The following SPOCD1 variants were observed in gnomAD, a reference collection of about 807,000 sequenced individuals.
SPOCD1 encodes the protein SPOC domain containing 1.
SPOCD1 carries 64 observed loss-of-function variants against 92.2 expected under a neutral mutation model. The observed-to-expected ratio is 0.69, with a 90% CI of 0.57 to 0.86. SPOCD1 has a LOEUF of 0.86. SPOCD1 is among the 40% of genes least tolerant of loss of function. The probability of loss-of-function intolerance (pLI) is 0.00; values close to 1 mark genes in which losing one functional copy is unlikely to be tolerated. For synonymous variants in SPOCD1, 578 were observed against 619.3 expected, an observed-to-expected ratio of 0.93 and a Z score of 0.99; for missense variants, 1,360 against 1,543.1, an observed-to-expected ratio of 0.88 and a Z score of 1.99.
intron 12 of SPOCD1, 31 bp downstream of exon 12, chr1:31,793,716 G>C (rs111393971): frequency 6.2e-7 from 1 of 1,613,354 alleles, no homozygotes; most frequent in Non-Finnish European, 8.5e-7. Flanking sequence ...ACCCTGCTGG[G>C]TTATCCACCT....
intron 2 of SPOCD1, among the ~76,000 whole-genome samples, chr1:31,804,900 T>C (rs1002346190): frequency 2.6e-5 from 4 of 152,090 alleles, no homozygotes; most frequent in South Asian, 2.1e-4. Flanking sequence ...CTATATCATT[T>C]TGGAGTAAGA....
chr1:31,809,441 T>A (rs1049625978), intron 2 of SPOCD1, among the ~76,000 whole-genome samples: 3 of 151,896 alleles, frequency 2.0e-5, no homozygotes, highest in African/African-American at 7.3e-5. Flanking sequence ...AACCTGGCAA[T>A]TCCACCCCAG....
intron 6 of SPOCD1, 130 bp from the exon 7 acceptor site, chr1:31,799,615 T>A: frequency 1.9e-6 from 2 of 1,074,332 alleles, no homozygotes; most frequent in Non-Finnish European, 2.7e-6. Flanking sequence ...CCTCCCTCTA[T>A]CCATCTGGGA....
chr1:31,815,415 G>A (rs761904431), intron 1 of SPOCD1, 43 bp from the exon 2 acceptor site: 159 of 1,395,258 alleles, frequency 1.1e-4, no homozygotes, highest in Non-Finnish European at 1.4e-4. Context: ...TGGAGAGTCC[G>A]ACCTGTCAGC....
intron 9 of SPOCD1, among the ~76,000 whole-genome samples, chr1:31,797,207 A>G (rs1648088976): frequency 6.6e-6 from 1 of 152,230 alleles, no homozygotes; most frequent in Non-Finnish European, 1.5e-5. Context: ...AGTAAATGCT[A>G]GTTGTGAGTC....
intron 2 of SPOCD1, 122 bp downstream of exon 2, chr1:31,813,829 A>C (rs1431250206): frequency 1.2e-6 from 1 of 848,412 alleles, no homozygotes; most frequent in Non-Finnish European, 1.7e-6. Context: ...TTTAGTTAAT[A>C]GGGATGTGAG....
At chr1:31,811,266 T>C (rs1473523996) in intron 2 of SPOCD1, among the ~76,000 whole-genome samples, 3 of 151,804 alleles carry the variant, frequency 2.0e-5, no homozygotes, top group African/African-American at 7.3e-5. Flanking sequence ...AGGTCAGGAG[T>C]TTGAGACCAG....
rs1349502336 is a variant in SPOCD1 at position 31,794,158 on chromosome 1, G to T, written c.2349C>A (p.His783Gln). 2 of 1,613,972 alleles carry T rather than the reference G, an allele frequency of 1.2e-6. 1 individual carries two copies. The highest frequency in any genetic ancestry group is 1.7e-6 in the Non-Finnish European group (2 of 1,180,018). Residue 783 changes from histidine to glutamine, a missense_variant, in exon 11 of 16, where the codon CAC (histidine) becomes CAA (glutamine). His to Gln is a conservative substitution (Grantham distance 24). This residue lies in a region of SPOCD1 where 614 missense variants were observed against 757.8 expected (regional missense o/e 0.81). Transcript: ENST00000360482. ...ASEDTTGQHD[H>Q]HFLDPNCHIC... is the part of the protein sequence containing the mutation. ...TGTGGCAGTTGGGGTCTAAGAAGTG[G>T]TGGTCATGCTGCCCCGTGGTGTCCT...
chr1:31,794,822 C>T (rs1035384312), intron 10 of SPOCD1: 3 of 152,200 alleles, frequency 2.0e-5, no homozygotes, highest in African/African-American at 7.2e-5. Context: ...CCTTTATAAT[C>T]TTTTTCTATA....
At chr1:31,813,676 C>T (rs2149121992) in intron 2 of SPOCD1, among the ~76,000 whole-genome samples, 1 of 152,230 alleles carries the variant, frequency 6.6e-6, no homozygotes, top group South Asian at 2.1e-4. Context: ...AGAAAACATC[C>T]CACAGTCATT....
In SPOCD1 at chr1:31,793,303, G is replaced by A. The variant is rs1227357517; in HGVS notation, c.2660C>T (p.Ser887Leu). 5 of 1,593,460 alleles carry A rather than the reference G, an allele frequency of 3.1e-6. No individual in the cohort carries two copies. Among genetic ancestry groups the A allele is most frequent in the African/African-American group, 1.3e-5 (1 of 74,642 alleles). Reference protein sequence around the residue: ...KRFRARAQLVSGHSCRLVQAL... With the variant: ...KRFRARAQLVLGHSCRLVQAL... ...CTGGACAAGCCGACAGCTGTGTCCC[G>A]AGACCAGCTGGGCCCTGGCCCGGAA... Residue 887 changes from serine (S) to leucine (L), a missense_variant, in exon 13 of 16, where the codon TCG (serine) becomes TTG (leucine). Transcript: ENST00000360482.
At position 31,792,687 on chromosome 1, in the gene SPOCD1, G is replaced by C. The variant is rs1186323568; in HGVS notation, c.2766C>G (p.Ala922=). The change falls in exon 14 of 16, where the codon GCC becomes GCG. Residue 922 remains alanine (A), a synonymous_variant. Transcript: ENST00000360482. The stretch of plus-strand genomic sequence containing the variant: ...AAGAGTGGGCAGGTACCTTGGCCTT[G>C]GCTGGGCAGATGCTGGCCAGAAGGT... The part of the protein sequence containing the change: ...VWDLLASICP[A]KAKDVCVVRL... The C allele has an allele frequency of 6.2e-7, 1 of 1,601,230 alleles. No individual in the cohort carries two copies. The highest frequency in any genetic ancestry group is 2.2e-5 in the East Asian group (1 of 44,500).
intron 2 of SPOCD1, among the ~76,000 whole-genome samples, chr1:31,812,943 T>C (rs1041301556): frequency 6.6e-6 from 1 of 152,212 alleles, no homozygotes; most frequent in Non-Finnish European, 1.5e-5. Flanking sequence ...AATCCAACTA[T>C]GTGAGAAATA....
Position 31,790,800 on chromosome 1 carries a change from G to A in SPOCD1, c.3454C>T (p.His1152Tyr), listed in dbSNP as rs370339429. ...DSCPHQALLR[H>Y]LESLATMSHQ... is the part of the protein sequence containing the mutation. ...CTCATGGTCGCCAGGGATTCGAGGT[G>A]CCGGAGCAGGGCTTGGTGGGGACAG... The change falls in exon 16 of 16, where the codon CAC (histidine) becomes TAC (tyrosine). Residue 1152 changes from histidine to tyrosine, a missense_variant. By Grantham distance (83) the His-to-Tyr change is moderately conservative (BLOSUM62 2). This residue lies in a region of SPOCD1 where 614 missense variants were observed against 757.8 expected (regional missense o/e 0.81). Coordinates refer to ENST00000360482, the MANE Select transcript of SPOCD1 (RefSeq NM_144569.7). 14 of 1,544,784 alleles carry A rather than the reference G, an allele frequency of 9.1e-6. No homozygotes were observed. Among genetic ancestry groups the A allele is most frequent in the Non-Finnish European group, 1.1e-5 (13 of 1,143,652 alleles).
At chr1:31,812,773 A>C (rs952400371) in intron 2 of SPOCD1, among the ~76,000 whole-genome samples, 20 of 152,234 alleles carry the variant, frequency 1.3e-4, no homozygotes, top group Non-Finnish European at 1.6e-4. Context: ...CAGAAAATAC[A>C]CAGAGAAGGC....
chr1:31,793,688 G>C, intron 12 of SPOCD1, 59 bp downstream of exon 12: 2 of 1,611,180 alleles, frequency 1.2e-6, no homozygotes, highest in Non-Finnish European at 1.7e-6. Flanking sequence ...GTTGCACCAG[G>C]TGGTGGCCTC....
chr1:31,796,401 C>A (rs1179828079), intron 10 of SPOCD1, 189 bp downstream of exon 10: 23 of 872,942 alleles, frequency 2.6e-5, no homozygotes, highest in Non-Finnish European at 3.9e-5. Flanking sequence ...CGCTGGCAGG[C>A]CTGTGCCAGC....
intron 2 of SPOCD1, among the ~76,000 whole-genome samples, chr1:31,802,799 G>A (rs922168934): frequency 6.6e-6 from 1 of 152,132 alleles, no homozygotes; most frequent in Non-Finnish European, 1.5e-5. Flanking sequence ...TACCATTCGC[G>A]TTACAGACAG....
In SPOCD1 at chr1:31,790,532, C is replaced by T; in HGVS notation, c.*71G>A. Reference sequence around the variant, plus strand: ...GGCTGACCATCCTCTCCTTGCAGTCCCACCTCTCTCTGGAACAGGCTTCAA... The same window carrying T: ...GGCTGACCATCCTCTCCTTGCAGTCTCACCTCTCTCTGGAACAGGCTTCAA... On this transcript the variant is annotated 3_prime_UTR_variant, in exon 16 of 16. Coordinates refer to ENST00000360482, the MANE Select transcript of SPOCD1 (RefSeq NM_144569.7). 1 of 1,395,380 alleles carries T rather than the reference C, an allele frequency of 7.2e-7. No homozygotes were observed. The highest frequency in any genetic ancestry group is 9.8e-7 in the Non-Finnish European group (1 of 1,022,074). The allele number at this position is 1,395,380 out of a possible 1,614,324, so 86.4% of individuals were successfully genotyped here.
Sources: allele counts gnomAD v4.1 joint callset (sites outside exome capture counted in the v4.1 genomes callset), GRCh38; gene constraint gnomAD v4.1.1; regional missense constraint gnomAD v4.1.1; transcripts MANE v1.5; gene names NCBI Gene and HGNC (gene_info 2026-07-23, HGNC 2026-07-21).